PEX14: variants seen among roughly 807,000 people sequenced by gnomAD.
PEX14 encodes the protein peroxisomal biogenesis factor 14.
In PEX14, 15 loss-of-function variants were observed where a neutral mutation model predicts 49.5. The observed-to-expected ratio is 0.30, with a 90% confidence interval of 0.20 to 0.47. The LOEUF (loss-of-function observed/expected upper bound fraction) is 0.47. PEX14 is among the 20% of genes least tolerant of loss of function. The probability of loss-of-function intolerance (pLI) is 1.00; values close to 1 mark genes in which losing one functional copy is unlikely to be tolerated. For synonymous variants in PEX14, 210 were observed against 212.7 expected, an observed-to-expected ratio of 0.99 and a Z score of 0.11; for missense variants, 398 against 494.8, an observed-to-expected ratio of 0.80 and a Z score of 1.86.
intron 3 of PEX14, among the ~76,000 whole-genome samples, chr1:10,570,559 C>T (rs553067136): frequency 8.5e-5 from 13 of 152,246 alleles, no homozygotes; most frequent in African/African-American, 3.1e-4. Context: ...TCTTCGATCT[C>T]TTGACCTTGT....
chr1:10,527,211 C>CAAAAA (rs35749900), intron 2 of PEX14, among the ~76,000 whole-genome samples: 13 of 117,664 alleles, frequency 1.1e-4, no homozygotes, highest in Admixed American at 4.5e-4. Flanking sequence ...GACTCTGTCT[C>CAAAAA]AAAAAAAAAA....
chr1:10,520,995 A>ATTT (rs1638275539), intron 2 of PEX14, among the ~76,000 whole-genome samples: 2 of 99,532 alleles, frequency 2.0e-5, no homozygotes, highest in African/African-American at 3.4e-5. Flanking sequence ...TTTTTTTTTA[A>ATTT]ACATTTTGAA....
chr1:10,604,649 G>A (rs574026870), intron 4 of PEX14, among the ~76,000 whole-genome samples: 116 of 152,096 alleles, frequency 7.6e-4, no homozygotes, highest in Non-Finnish European at 1.2e-3. Context: ...GTTGTTCAGA[G>A]TGGCTGGAGC....
chr1:10,560,494 C>G (rs1421086136), intron 3 of PEX14, among the ~76,000 whole-genome samples: 2 of 152,118 alleles, frequency 1.3e-5, no homozygotes, highest in Non-Finnish European at 2.9e-5. Context: ...GTGGTGCCAT[C>G]TGGGACCACA....
chr1:10,519,358 C>G (rs1283991495), intron 2 of PEX14, among the ~76,000 whole-genome samples: 1 of 152,086 alleles, frequency 6.6e-6, no homozygotes, highest in Non-Finnish European at 1.5e-5. Flanking sequence ...GAAAAGCAAA[C>G]AGAATGCTCT....
chr1:10,535,733 G>A (rs1041394588), intron 2 of PEX14, among the ~76,000 whole-genome samples: 1 of 152,190 alleles, frequency 6.6e-6, no homozygotes, highest in South Asian at 2.1e-4. Context: ...GCAAGGCTTC[G>A]AGGAATCAGA....
At chr1:10,589,242 G>C (rs1448952353) in intron 3 of PEX14, among the ~76,000 whole-genome samples, 1 of 152,118 alleles carries the variant, frequency 6.6e-6, no homozygotes, top group Non-Finnish European at 1.5e-5. Context: ...GCTGTGTGGG[G>C]GAAAATAGCC....
At chr1:10,554,422 G>A (rs1293415057) in intron 3 of PEX14, among the ~76,000 whole-genome samples, 1 of 152,168 alleles carries the variant, frequency 6.6e-6, no homozygotes, top group Non-Finnish European at 1.5e-5. Flanking sequence ...CTTGCTGGGA[G>A]ATCCCAGAGC....
intron 3 of PEX14, among the ~76,000 whole-genome samples, chr1:10,575,536 C>T (rs1008616720): frequency 6.6e-6 from 1 of 152,164 alleles, no homozygotes; most frequent in Non-Finnish European, 1.5e-5. Flanking sequence ...CACATAGCCC[C>T]TGCTTCTCTG....
At chr1:10,502,805 T>G (rs1286690701) in intron 2 of PEX14, among the ~76,000 whole-genome samples, 2 of 150,830 alleles carry the variant, frequency 1.3e-5, no homozygotes, top group African/African-American at 4.9e-5. Flanking sequence ...TCTTTTTTTT[T>G]TTTTTTTTAA....
intron 4 of PEX14, among the ~76,000 whole-genome samples, chr1:10,608,081 C>T (rs1641174645): frequency 6.6e-6 from 1 of 152,172 alleles, no homozygotes; most frequent in African/African-American, 2.4e-5. Context: ...GATCCTCCTG[C>T]TTCAGCCTCC....
At chr1:10,602,231 T>C (rs973362950) in intron 4 of PEX14, among the ~76,000 whole-genome samples, 1 of 152,174 alleles carries the variant, frequency 6.6e-6, no homozygotes, top group African/African-American at 2.4e-5. Flanking sequence ...AAATACACAT[T>C]CTTAGACACA....
intron 4 of PEX14, among the ~76,000 whole-genome samples, chr1:10,601,708 C>T (rs1171012443): frequency 6.6e-6 from 1 of 152,196 alleles, no homozygotes; most frequent in African/African-American, 2.4e-5. Context: ...GCTTGGGGCT[C>T]CTTTCTCCTT....
chr1:10,545,610 T>A (rs1639145360), intron 3 of PEX14, among the ~76,000 whole-genome samples: 1 of 152,248 alleles, frequency 6.6e-6, no homozygotes, highest in Non-Finnish European at 1.5e-5. Context: ...GTGCATAAAC[T>A]ATCTGGGTTT....
At chr1:10,599,118 C>A in intron 3 of PEX14, 120 bp from the exon 4 acceptor site, 2 of 1,013,370 alleles carry the variant, frequency 2.0e-6, no homozygotes, top group Non-Finnish European at 3.1e-6. Flanking sequence ...ATCGGGGAGG[C>A]AACTTACTAG....
In PEX14 at chr1:10,514,059, G is replaced by A. The variant is rs149941462; in HGVS notation, c.84+18738G>A. On this transcript the variant is annotated intron_variant, in intron 2 of 8. Coordinates refer to ENST00000356607, the MANE Select transcript of PEX14 (RefSeq NM_004565.3). The surrounding 1 kb of genome is among the most constrained non-coding windows in gnomAD (Gnocchi z 4.4). The stretch of plus-strand genomic sequence containing the variant: ...TTATATGCTGATATAAATTGTAACA[G>A]TTAAAGAATGGTAATGAGTAGCCAA... 7.9e-5 allele frequency among the ~76,000 whole-genome samples: 12 copies of A among 151,874 alleles called. No homozygotes were observed. Among genetic ancestry groups the A allele is most frequent in the African/African-American group, 2.9e-4 (12 of 41,424 alleles).
intron 2 of PEX14, among the ~76,000 whole-genome samples, chr1:10,506,771 C>T (rs17412703): frequency 0.057 from 8,691 of 152,256 alleles, 340 homozygotes; most frequent in Non-Finnish European, 0.082. Context: ...TCTTGAAGTT[C>T]TTACTTTGCT....
chr1:10,564,595 CTTTTT>C (rs58926587), intron 3 of PEX14, among the ~76,000 whole-genome samples: 1 of 107,142 alleles, frequency 9.3e-6, no homozygotes. Context: ...CTTTTTCTTT[CTTTTT>C]TTTTTTTTTT....
rs1480244217 is a variant in PEX14, at chr1:10,628,811, A to G, written c.678-720A>G. Among the ~76,000 whole-genome samples the G allele has an allele frequency of 1.3e-5, 2 of 152,172 alleles. No individual in the cohort carries two copies. The highest frequency in any genetic ancestry group is 2.9e-5 in the Non-Finnish European group (2 of 68,034). On this transcript the variant is annotated intron_variant, in intron 8 of 8. Coordinates refer to ENST00000356607, the MANE Select transcript of PEX14 (RefSeq NM_004565.3). This position sits in a 1 kb window ranked among gnomAD's most constrained non-coding sequence, Gnocchi z 4.5. The stretch of plus-strand genomic sequence containing the variant: ...GGGCAGGGCTTTGTCCTCTTGGCTC[A>G]GGCAGAGATGGGCCTGCCTGTTGGA...
Sources: allele counts gnomAD v4.1 joint callset (sites outside exome capture counted in the v4.1 genomes callset), GRCh38; gene constraint gnomAD v4.1.1; non-coding constraint Gnocchi (gnomAD v3.1); transcripts MANE v1.5; gene names NCBI Gene and HGNC (gene_info 2026-07-23, HGNC 2026-07-21).